The following ZFP37 variants were observed in gnomAD, a reference collection of about 807,000 sequenced individuals.
The protein encoded by ZFP37 is ZFP37 zinc finger protein.
A neutral mutation model predicts 52.1 loss-of-function variants in ZFP37; 38 were observed. The ratio of observed to expected loss-of-function variants is 0.73; its 90% CI spans 0.56 to 0.96. ZFP37 has a LOEUF of 0.96. ZFP37 is among the 40% of genes least tolerant of loss of function. The pLI, the probability that ZFP37 is intolerant of heterozygous loss-of-function variation, is 0.00. For missense variants in ZFP37, 695 were observed against 741.4 expected, an observed-to-expected ratio of 0.94 and a Z score of 0.73; for synonymous variants, 253 against 259.5, an observed-to-expected ratio of 0.98 and a Z score of 0.24.
intron 3 of ZFP37, among the ~76,000 whole-genome samples, chr9:113,046,749 T>C (rs1266961025): frequency 6.6e-6 from 1 of 152,176 alleles, no homozygotes; most frequent in African/African-American, 2.4e-5. Context: ...TGGAGCTCAC[T>C]TGGCCCAGCA....
chr9:113,050,829 G>A (rs1829044912), intron 1 of ZFP37, among the ~76,000 whole-genome samples: 2 of 152,080 alleles, frequency 1.3e-5, no homozygotes, highest in East Asian at 3.9e-4. Context: ...CCCAGGAGGT[G>A]GAGGTTACAG....
chr9:113,043,962 G>C lies in ZFP37; in HGVS notation c.656C>G (p.Thr219Arg). Residue 219 changes from threonine (T) to arginine (R), a missense_variant, in exon 4 of 4, where the codon ACA becomes AGA. By Grantham distance (71) the Thr-to-Arg change is moderately conservative (BLOSUM62 -1). Transcript: ENST00000374227. ...TCCAGTTTGCTTTTTGCCTTTCCTT[G>C]TATCAGATAAGCTATGGTTGAATGA... The part of the protein sequence containing the change: ...KKSFNHSLSD[T>R]RKGKKQTGKK... 6.2e-7 allele frequency: 1 copy of C among 1,613,878 alleles called. No homozygotes were observed.
intron 1 of ZFP37, among the ~76,000 whole-genome samples, chr9:113,051,482 T>C (rs1340117089): frequency 6.6e-6 from 1 of 152,086 alleles, no homozygotes; most frequent in Non-Finnish European, 1.5e-5. Context: ...AGATAAAGTC[T>C]CACTCTGTTG....
At chr9:113,049,692 G>C (rs1040410716) in intron 2 of ZFP37, 99 bp downstream of exon 2, 42 of 1,506,248 alleles carry the variant, frequency 2.8e-5, no homozygotes, top group Non-Finnish European at 3.5e-5. Context: ...AAAGAAGAAA[G>C]CCCTTTGACC....
chr9:113,048,466 T>A (rs191309788), intron 3 of ZFP37, among the ~76,000 whole-genome samples: 2,039 of 152,226 alleles, frequency 0.013, 17 homozygotes, highest in Admixed American at 0.019. Flanking sequence ...ATGCTTTTTT[T>A]AAAAAGCACT....
intron 3 of ZFP37, among the ~76,000 whole-genome samples, chr9:113,045,558 T>C (rs1419285416): frequency 1.3e-5 from 2 of 152,202 alleles, no homozygotes; most frequent in South Asian, 2.1e-4. Flanking sequence ...TGCCATACAT[T>C]ATACACTTAC....
Position 113,042,008 on chromosome 9 carries a change from T to C in ZFP37, c.*717A>G, listed in dbSNP as rs952313599. ...ACATACAGATACATGTATATATGCA[T>C]ACAAAGATACATACACATACAGAGA... On this transcript the variant is annotated 3_prime_UTR_variant, in exon 4 of 4. Coordinates refer to ENST00000374227, the MANE Select transcript of ZFP37 (RefSeq NM_003408.3). The C allele has an allele frequency of 6.6e-6, 1 of 152,184 alleles. No individual in the cohort carries two copies. Among genetic ancestry groups the C allele is most frequent in the Non-Finnish European group, 1.5e-5 (1 of 68,030 alleles). 9.4% of individuals were successfully genotyped at this position (152,184 alleles called of 1,614,324 possible).
chr9:113,056,064 C>T (rs568041506), intron 1 of ZFP37, among the ~76,000 whole-genome samples: 65 of 147,642 alleles, frequency 4.4e-4, no homozygotes, highest in African/African-American at 1.4e-3. Flanking sequence ...CTCAAAGATA[C>T]TGCTAATCAA....
chr9:113,042,083 A>AT lies in ZFP37; in HGVS notation c.*641dup, dbSNP rs1160639429. On this transcript the variant is annotated 3_prime_UTR_variant, in exon 4 of 4. Coordinates refer to ENST00000374227, the MANE Select transcript of ZFP37 (RefSeq NM_003408.3). ...TACCCTTTTGTACACAAAGGGGAAC[A>AT]TACTATATACATGGTTCAGCAACCT... 6.6e-6 allele frequency: 1 copy of AT among 152,264 alleles called. No individual in the cohort carries two copies. Among genetic ancestry groups the AT allele is most frequent in the Non-Finnish European group, 1.5e-5 (1 of 68,062 alleles). 9.4% of individuals were successfully genotyped at this position (152,264 alleles called of 1,614,324 possible). A position where few individuals can be genotyped will look rare whatever the true frequency, so the allele number is the denominator to read the frequency against.
Position 113,042,506 on chromosome 9 carries a change from AATT to A in ZFP37, c.*216_*218del, listed in dbSNP as rs760731703. Reference sequence around the variant, plus strand: ...TCTGAACATGTAGATCATTTATAATAATTGAGTAGTTAAAACAATATTTTTTAT... The same window carrying A: ...TCTGAACATGTAGATCATTTATAATAGAGTAGTTAAAACAATATTTTTTAT... On this transcript the variant is annotated 3_prime_UTR_variant, in exon 4 of 4. Transcript: ENST00000374227. The A allele has an allele frequency of 3.4e-5, 14 of 408,424 alleles. No individual in the cohort carries two copies. Among genetic ancestry groups the A allele is most frequent in the East Asian group, 7.7e-5 (2 of 25,976 alleles). The allele number at this position is 408,424 out of a possible 1,614,324, so 25.3% of individuals were successfully genotyped here. A position where few individuals can be genotyped will look rare whatever the true frequency, so the allele number is the denominator to read the frequency against.
rs1554769700 is a variant in ZFP37 at position 113,039,314 on chromosome 9, T to TA, written c.*3410dup. On this transcript the variant is annotated 3_prime_UTR_variant, in exon 4 of 4. Coordinates refer to ENST00000374227, the MANE Select transcript of ZFP37 (RefSeq NM_003408.3). ...ACCTATCACAAATGTAATTTTTTTT[T>TA]AAATCTTGATTTAAAAAAATGTTTC... The TA allele has an allele frequency of 2.0e-5, 3 of 152,118 alleles. No individual in the cohort carries two copies. The highest frequency in any genetic ancestry group is 7.2e-5 in the African/African-American group (3 of 41,442). 9.4% of individuals were successfully genotyped at this position (152,118 alleles called of 1,614,324 possible). A position where few individuals can be genotyped will look rare whatever the true frequency, so the allele number is the denominator to read the frequency against.
chr9:113,043,116 C>T lies in ZFP37; in HGVS notation c.1502G>A (p.Ser501Asn), dbSNP rs769637301. The change falls in exon 4 of 4, where the codon AGC becomes AAC. Residue 501 changes from serine to asparagine, a missense_variant. Ser to Asn is a conservative substitution (Grantham distance 46). This residue lies in a region of ZFP37 where 326 missense variants were observed against 400.5 expected (regional missense o/e 0.81). Coordinates refer to ENST00000374227, the MANE Select transcript of ZFP37 (RefSeq NM_003408.3). ...TCTCATATGGTAAGTAAGAGATGAG[C>T]TATGTCCAAAGGCTTTTCCACACTC... Reference protein sequence around the residue: ...CNECGKAFGHSSSLTYHMRTH... With the variant: ...CNECGKAFGHNSSLTYHMRTH... The T allele has an allele frequency of 1.2e-6, 2 of 1,613,584 alleles. No individual in the cohort carries two copies. Among genetic ancestry groups the T allele is most frequent in the Non-Finnish European group, 1.7e-6 (2 of 1,179,924 alleles).
At chr9:113,046,880 C>T (rs1230488433) in intron 3 of ZFP37, among the ~76,000 whole-genome samples, 1 of 152,166 alleles carries the variant, frequency 6.6e-6, no homozygotes, top group Non-Finnish European at 1.5e-5. Context: ...GAGGCCGAAG[C>T]GGGTGGATCA....
chr9:113,044,671 C>T (rs1828921085), intron 3 of ZFP37, among the ~76,000 whole-genome samples: 1 of 152,032 alleles, frequency 6.6e-6, no homozygotes, highest in South Asian at 2.1e-4. Flanking sequence ...CTCCTGCAGC[C>T]TATACTATAT....
intron 1 of ZFP37, among the ~76,000 whole-genome samples, chr9:113,050,531 G>C (rs1399170312): frequency 6.6e-6 from 1 of 151,952 alleles, no homozygotes; most frequent in Non-Finnish European, 1.5e-5. Flanking sequence ...TCTATAACAG[G>C]GGATGCTAAA....
rs760542927 is a variant in ZFP37, at chr9:113,044,059, T to C, written c.559A>G (p.Asn187Asp). 1.2e-6 allele frequency: 2 copies of C among 1,610,136 alleles called. No homozygotes were observed. Among genetic ancestry groups the C allele is most frequent in the Non-Finnish European group, 1.7e-6 (2 of 1,179,082 alleles). The change falls in exon 4 of 4, where the codon AAT (asparagine) becomes GAT (aspartate). Residue 187 changes from asparagine (N) to aspartate (D), a missense_variant. Around this residue, in one of 2 missense-constraint regions of ZFP37, gnomAD observed 369 missense variants for 340.9 expected, o/e 1.08. Coordinates refer to ENST00000374227, the MANE Select transcript of ZFP37 (RefSeq NM_003408.3). ...FESCGKILKQNLDLPDHSRNC... is the reference protein window; with the variant it reads ...FESCGKILKQDLDLPDHSRNC... ...CTTGAGTGATCAGGTAAATCTAAAT[T>C]CTGTTTCAAAATTTTTCCACATGAC...
intron 1 of ZFP37, among the ~76,000 whole-genome samples, chr9:113,053,928 C>T (rs1372443685): frequency 6.6e-6 from 1 of 152,206 alleles, no homozygotes; most frequent in Non-Finnish European, 1.5e-5. Flanking sequence ...CATTGACACA[C>T]AGAGTTGTCT....
At chr9:113,048,745 A>G (rs1587913166) in intron 3 of ZFP37, among the ~76,000 whole-genome samples, 1 of 152,298 alleles carries the variant, frequency 6.6e-6, no homozygotes, top group Non-Finnish European at 1.5e-5. Flanking sequence ...CTTTTGAATT[A>G]TAGCGCACTT....
chr9:113,042,482 C>A lies in ZFP37; in HGVS notation c.*243G>T. The A allele has an allele frequency of 8.7e-6, 3 of 346,806 alleles. No homozygotes were observed. The highest frequency in any genetic ancestry group is 1.5e-5 in the Non-Finnish European group (3 of 194,046). 21.5% of individuals were successfully genotyped at this position (346,806 alleles called of 1,614,324 possible). A position where few individuals can be genotyped will look rare whatever the true frequency, so the allele number is the denominator to read the frequency against. ...AATTTTTAAAGCTTTCAATTTCAAT[C>A]TGAACATGTAGATCATTTATAATAA... is the stretch of plus-strand genomic sequence containing the variant. On this transcript the variant is annotated 3_prime_UTR_variant, in exon 4 of 4. Transcript: ENST00000374227.
Sources: allele counts gnomAD v4.1 joint callset (sites outside exome capture counted in the v4.1 genomes callset), GRCh38; gene constraint gnomAD v4.1.1; regional missense constraint gnomAD v4.1.1; transcripts MANE v1.5; gene names NCBI Gene and HGNC (gene_info 2026-07-23, HGNC 2026-07-21).